MECOM: variants seen among roughly 807,000 people sequenced by gnomAD.
The protein encoded by MECOM is histone-lysine N-methyltransferase MECOM.
In MECOM, 13 loss-of-function variants were observed where a neutral mutation model predicts 116.3. That is an observed-to-expected ratio of 0.11 (90% CI 0.07 to 0.18). MECOM has a LOEUF of 0.18. MECOM is among the 10% of genes least tolerant of loss of function. The probability of loss-of-function intolerance (pLI) is 1.00; values close to 1 mark genes in which losing one functional copy is unlikely to be tolerated. For missense variants in MECOM, 1,299 were observed against 1,509.0 expected (o/e 0.86, Z 2.31); for synonymous variants, 528 against 535.2 (o/e 0.99, Z 0.19).
At chr3:169,124,791 T>C (rs1560214347) in intron 5 of MECOM, among the ~76,000 whole-genome samples, 2 of 152,064 alleles carry the variant, frequency 1.3e-5, no homozygotes, top group Non-Finnish European at 2.9e-5. Flanking sequence ...TTTGAAGCGC[T>C]CCACAATAAA....
chr3:169,384,027 C>A (rs1732896859), intron 1 of MECOM, among the ~76,000 whole-genome samples: 1 of 152,100 alleles, frequency 6.6e-6, no homozygotes, highest in Non-Finnish European at 1.5e-5. Flanking sequence ...TTTTATCCCT[C>A]AGTTTGGCAA....
intron 1 of MECOM, among the ~76,000 whole-genome samples, chr3:169,591,018 G>A (rs1277696143): frequency 6.6e-6 from 1 of 152,168 alleles, no homozygotes; most frequent in African/African-American, 2.4e-5. Flanking sequence ...AAGTGAAATT[G>A]AGCAAATTCC....
At chr3:169,508,537 AAC>A (rs1755581212) in intron 1 of MECOM, among the ~76,000 whole-genome samples, 1 of 151,486 alleles carries the variant, frequency 6.6e-6, no homozygotes, top group Admixed American at 6.6e-5. Context: ...CACATGCACA[AAC>A]ACATTTTTTG....
chr3:169,535,395 G>GA (rs1017027767), intron 1 of MECOM, among the ~76,000 whole-genome samples: 7 of 151,680 alleles, frequency 4.6e-5, no homozygotes, highest in Non-Finnish European at 1.0e-4. Context: ...TAGATACATA[G>GA]AAAAAAAATC....
chr3:169,191,776 AAGAAAG>A lies in MECOM; in HGVS notation c.376-47950_376-47945del, dbSNP rs1168888515. On this transcript the variant is annotated intron_variant, in intron 2 of 16. Transcript: ENST00000651503. ...AAAGAAAGAAAGAAAGAAAGAAAGAAAGAAAGAAAGAAAGAAAGGGAGGGAAGGATA... is the reference window on the plus strand; with the variant it reads ...AAAGAAAGAAAGAAAGAAAGAAAGAAAAAGAAAGAAAGGGAGGGAAGGATA... Among the ~76,000 whole-genome samples, 241 of 139,308 alleles carry A rather than the reference AAGAAAG, an allele frequency of 1.7e-3. 2 individuals are homozygous for A. Among genetic ancestry groups the A allele is most frequent in the African/African-American group, 6.2e-3 (231 of 36,988 alleles). The allele number at this position is 139,308 out of a possible 152,430, so 91.4% of individuals were successfully genotyped here. A position where few individuals can be genotyped will look rare whatever the true frequency, so the allele number is the denominator to read the frequency against.
intron 2 of MECOM, among the ~76,000 whole-genome samples, chr3:169,288,718 C>T (rs1713874927): frequency 6.6e-6 from 1 of 152,092 alleles, no homozygotes; most frequent in African/African-American, 2.4e-5. Flanking sequence ...AGTGCCCTTC[C>T]AGTAGTCTCA....
At chr3:169,320,694 T>C (rs1249653825) in intron 2 of MECOM, among the ~76,000 whole-genome samples, 1 of 152,278 alleles carries the variant, frequency 6.6e-6, no homozygotes, top group Non-Finnish European at 1.5e-5. Context: ...TTGAAAAGCA[T>C]AGTCAATATT....
intron 1 of MECOM, among the ~76,000 whole-genome samples, chr3:169,450,686 C>A (rs1292122556): frequency 6.6e-6 from 1 of 152,206 alleles, no homozygotes; most frequent in Non-Finnish European, 1.5e-5. Context: ...AGAGAGAGAG[C>A]GTGAAAACAC....
At chr3:169,465,122 T>C (rs1748072514) in intron 1 of MECOM, among the ~76,000 whole-genome samples, 1 of 152,262 alleles carries the variant, frequency 6.6e-6, no homozygotes, top group South Asian at 2.1e-4. Flanking sequence ...ACCTATATAT[T>C]CGTACTTTAT....
intron 1 of MECOM, among the ~76,000 whole-genome samples, chr3:169,536,774 T>A (rs1759418806): frequency 6.6e-6 from 1 of 152,102 alleles, no homozygotes. Flanking sequence ...CTAGAAATGA[T>A]CTAGAGGATA....
At chr3:169,235,052 T>TG in intron 2 of MECOM, among the ~76,000 whole-genome samples, 1 of 152,318 alleles carries the variant, frequency 6.6e-6, no homozygotes, top group Admixed American at 6.5e-5. Flanking sequence ...AGGCAAAACT[T>TG]AGGAAAAATA....
chr3:169,499,565 T>A (rs970519018), intron 1 of MECOM, among the ~76,000 whole-genome samples: 6 of 151,796 alleles, frequency 4.0e-5, no homozygotes, highest in Non-Finnish European at 7.4e-5. Context: ...AAAAGCTAAC[T>A]TCTCAGGAGC....
chr3:169,519,177 T>C (rs1404455429), intron 1 of MECOM, among the ~76,000 whole-genome samples: 1 of 152,248 alleles, frequency 6.6e-6, no homozygotes, highest in African/African-American at 2.4e-5. Context: ...AGAAAAATAT[T>C]TGTCCAGTTT....
At chr3:169,327,911 A>G (rs1722127341) in intron 2 of MECOM, among the ~76,000 whole-genome samples, 1 of 152,180 alleles carries the variant, frequency 6.6e-6, no homozygotes, top group South Asian at 2.1e-4. Context: ...ACTTCACTTC[A>G]AAAGCATGTC....
At chr3:169,143,507 C>T (rs1454184075) in intron 3 of MECOM, among the ~76,000 whole-genome samples, 191 bp downstream of exon 3, 7 of 152,056 alleles carry the variant, frequency 4.6e-5, no homozygotes, top group Admixed American at 2.0e-4. Flanking sequence ...AATAGACTAC[C>T]CAAAGAATGT....
At chr3:169,417,047 G>A (rs1283188060) in intron 1 of MECOM, among the ~76,000 whole-genome samples, 4 of 151,842 alleles carry the variant, frequency 2.6e-5, no homozygotes, top group African/African-American at 7.3e-5. Context: ...ATAGGCGTGG[G>A]CAAGGACTTC....
At chr3:169,236,077 C>CTGA (rs1754028273) in intron 2 of MECOM, among the ~76,000 whole-genome samples, 1 of 152,150 alleles carries the variant, frequency 6.6e-6, no homozygotes, top group Non-Finnish European at 1.5e-5. Flanking sequence ...CACAAGGGCA[C>CTGA]TGATGGTCTA....
intron 2 of MECOM, among the ~76,000 whole-genome samples, chr3:169,202,184 C>T (rs1413496277): frequency 6.6e-6 from 1 of 151,998 alleles, no homozygotes; most frequent in Admixed American, 6.6e-5. Context: ...GCTCAAAAAA[C>T]AAAAAGTGAA....
chr3:169,565,149 G>A (rs916142484), intron 1 of MECOM, among the ~76,000 whole-genome samples: 1 of 152,180 alleles, frequency 6.6e-6, no homozygotes, highest in African/African-American at 2.4e-5. Context: ...ACAGTGGGGA[G>A]GGGTGTCCAG....
Sources: gnomAD v4.1 joint callset for allele counts (sites outside exome capture counted in the v4.1 genomes callset) on GRCh38, gnomAD v4.1.1 for gene constraint, MANE v1.5 for transcripts, NCBI Gene and HGNC (gene_info 2026-07-23, HGNC 2026-07-21) for gene names.